Variants in MED26 observed in about 807,000 individuals in gnomAD.
MED26 encodes the protein mediator of RNA polymerase II transcription subunit 26.
Under a neutral mutation model 43.7 loss-of-function variants are expected in MED26, and 7 were observed. The ratio of observed to expected loss-of-function variants is 0.16; its 90% CI spans 0.09 to 0.30. MED26 has a LOEUF of 0.30. MED26 is among the 10% of genes least tolerant of loss of function. The pLI, the probability that MED26 is intolerant of heterozygous loss-of-function variation, is 1.00. For synonymous variants in MED26, 375 were observed against 371.1 expected (o/e 1.01, Z -0.12); for missense variants, 784 against 840.6 (o/e 0.93, Z 0.83).
intron 1 of MED26, among the ~76,000 whole-genome samples, chr19:16,616,454 G>C (rs1435050716): frequency 6.6e-6 from 1 of 152,174 alleles, no homozygotes; most frequent in Non-Finnish European, 1.5e-5. Context: ...ATCCCTATCT[G>C]TTTTCAGACA....
intron 1 of MED26, among the ~76,000 whole-genome samples, chr19:16,609,425 G>T (rs2086189541): frequency 6.6e-6 from 1 of 151,822 alleles, no homozygotes; most frequent in Admixed American, 6.6e-5. Flanking sequence ...GAAGCAGCTG[G>T]TGAGAAGCAA....
At chr19:16,615,119 T>C (rs1470009646) in intron 1 of MED26, among the ~76,000 whole-genome samples, 1 of 152,070 alleles carries the variant, frequency 6.6e-6, no homozygotes, top group African/African-American at 2.4e-5. Flanking sequence ...TCAGACCGGT[T>C]ACAGGAAGCA....
intron 1 of MED26, among the ~76,000 whole-genome samples, chr19:16,615,368 G>C (rs2086219757): frequency 6.6e-6 from 1 of 152,192 alleles, no homozygotes; most frequent in Admixed American, 6.5e-5. Flanking sequence ...ATTCTTTACT[G>C]ACTCTCTCAG....
chr19:16,615,355 A>G (rs1335957175), intron 1 of MED26, among the ~76,000 whole-genome samples: 2 of 152,206 alleles, frequency 1.3e-5, no homozygotes, highest in Non-Finnish European at 2.9e-5. Flanking sequence ...ATGTGCTCAG[A>G]TGATTCTTTA....
chr19:16,607,776 T>C (rs1304030845), intron 1 of MED26, among the ~76,000 whole-genome samples: 1 of 152,226 alleles, frequency 6.6e-6, no homozygotes. Context: ...GTGTATTTTA[T>C]GTGCAGCCCA....
chr19:16,610,000 G>A (rs1408864470), intron 1 of MED26, among the ~76,000 whole-genome samples: 4 of 150,766 alleles, frequency 2.7e-5, no homozygotes, highest in African/African-American at 9.8e-5. Flanking sequence ...ATTCAAGCCG[G>A]GTGTGGTCGC....
chr19:16,604,068 G>A (rs2086161801), intron 1 of MED26, among the ~76,000 whole-genome samples: 1 of 152,242 alleles, frequency 6.6e-6, no homozygotes, highest in Admixed American at 6.5e-5. Flanking sequence ...CTTTTCATTA[G>A]CAAAACTCTG....
At chr19:16,581,698 G>A (rs1206706371) in intron 1 of MED26, among the ~76,000 whole-genome samples, 1 of 152,244 alleles carries the variant, frequency 6.6e-6, no homozygotes, top group Non-Finnish European at 1.5e-5. Flanking sequence ...CTAACAGCCA[G>A]TCCCAAGAGT....
chr19:16,614,707 C>T (rs2086215302), intron 1 of MED26, among the ~76,000 whole-genome samples: 1 of 152,102 alleles, frequency 6.6e-6, no homozygotes, highest in South Asian at 2.1e-4. Flanking sequence ...ACAGGACAGG[C>T]TCAGCGCCTG....
At chr19:16,625,801 G>A (rs1004441679) in intron 1 of MED26, among the ~76,000 whole-genome samples, 3 of 152,152 alleles carry the variant, frequency 2.0e-5, no homozygotes, top group African/African-American at 7.2e-5. Flanking sequence ...AAAGCAAACG[G>A]TCCTGTCAAA....
chr19:16,623,479 A>T (rs938544447), intron 1 of MED26, among the ~76,000 whole-genome samples: 10 of 152,196 alleles, frequency 6.6e-5, no homozygotes, highest in African/African-American at 2.2e-4. Context: ...TGTAATGTTG[A>T]AGTAGAGAGC....
In MED26 at chr19:16,576,268, G is replaced by T; in HGVS notation, c.1562C>A (p.Thr521Asn). The T allele has an allele frequency of 1.9e-6, 3 of 1,611,396 alleles. No homozygotes were observed. The highest frequency in any genetic ancestry group is 1.1e-5 in the South Asian group (1 of 91,086). ...MSEYLKQEES[T>N]RQGARQLHVL... is the part of the protein sequence containing the mutation. The stretch of plus-strand genomic sequence containing the variant: ...ATGCAGCTGCCTGGCCCCTTGCCGG[G>T]TGCTCTCCTCCTGCTTCAGGTACTC... The change falls in exon 3 of 3, where the codon ACC (threonine) becomes AAC (asparagine). Residue 521 changes from threonine to asparagine, a missense_variant. Physicochemically the swap from Thr to Asn is moderately conservative, Grantham distance 65. Transcript: ENST00000263390. This position sits in a 1 kb window ranked among gnomAD's most constrained non-coding sequence, Gnocchi z 6.8.
intron 1 of MED26, among the ~76,000 whole-genome samples, chr19:16,622,641 C>T (rs560780744): frequency 1.8e-4 from 28 of 152,354 alleles, no homozygotes; most frequent in African/African-American, 6.7e-4. Flanking sequence ...TGTGCTGCCT[C>T]TCCTTTACTC....
chr19:16,604,155 T>C (rs8103548), intron 1 of MED26, among the ~76,000 whole-genome samples: 13,758 of 152,288 alleles, frequency 0.09, 725 homozygotes, highest in African/African-American at 0.12. Flanking sequence ...GCTAGACCCA[T>C]GTGTAACCAA....
rs1294489013 is a variant in MED26, at chr19:16,576,175, A to T, written c.1655T>A (p.Leu552His). ...CCACTGGCTGGCCTGGATTCTGTCG[A>T]GATCGTCCTGTGTGACCTCCCGGGT... The part of the protein sequence containing the change: ...GLTREVTQDD[L>H]DRIQASQWPG... The change falls in exon 3 of 3, where the codon CTC (leucine) becomes CAC (histidine). Residue 552 changes from leucine to histidine, a missense_variant. By Grantham distance (99) the Leu-to-His change is moderately conservative. Coordinates refer to ENST00000263390, the MANE Select transcript of MED26 (RefSeq NM_004831.5). The surrounding 1 kb of genome is among the most constrained non-coding windows in gnomAD (Gnocchi z 6.8). 1 of 1,613,286 alleles carries T rather than the reference A, an allele frequency of 6.2e-7. No homozygotes were observed. Among genetic ancestry groups the T allele is most frequent in the African/African-American group, 1.3e-5 (1 of 74,898 alleles).
intron 1 of MED26, among the ~76,000 whole-genome samples, chr19:16,585,033 G>A (rs1415892092): frequency 1.3e-5 from 2 of 152,068 alleles, no homozygotes; most frequent in Non-Finnish European, 2.9e-5. Flanking sequence ...CTCCCTCCAC[G>A]TGAGCCTGTC....
At chr19:16,619,293 C>T (rs2086240343) in intron 1 of MED26, among the ~76,000 whole-genome samples, 1 of 152,222 alleles carries the variant, frequency 6.6e-6, no homozygotes, top group Non-Finnish European at 1.5e-5. Context: ...CAAGATGCAC[C>T]TGGGAGGTGA....
At chr19:16,583,911 T>C (rs1457577517) in intron 1 of MED26, among the ~76,000 whole-genome samples, 3 of 152,092 alleles carry the variant, frequency 2.0e-5, no homozygotes, top group Admixed American at 6.5e-5. Context: ...GAAGAACAGT[T>C]TGCATCCAGG....
chr19:16,602,509 C>T (rs543188419), intron 1 of MED26, among the ~76,000 whole-genome samples: 3 of 152,268 alleles, frequency 2.0e-5, no homozygotes, highest in African/African-American at 4.8e-5. Flanking sequence ...CCAAAAGAAC[C>T]GAAAGCAGGG....
Sources: gnomAD v4.1 joint callset for allele counts (sites outside exome capture counted in the v4.1 genomes callset) on GRCh38, gnomAD v4.1.1 for gene constraint, Gnocchi (gnomAD v3.1) non-coding constraint, MANE v1.5 for transcripts, NCBI Gene and HGNC (gene_info 2026-07-23, HGNC 2026-07-21) for gene names.